Variants in ERC2 observed in about 807,000 individuals in gnomAD.
ERC2 encodes the protein ERC protein 2.
Under a neutral mutation model 114.8 loss-of-function variants are expected in ERC2, and 42 were observed. The observed-to-expected ratio is 0.37, with a 90% CI of 0.29 to 0.47. The LOEUF is 0.47. ERC2 is among the 20% of genes least tolerant of loss of function. The pLI, the probability that ERC2 is intolerant of heterozygous loss-of-function variation, is 0.99. For synonymous variants in ERC2, 454 were observed against 425.5 expected, an observed-to-expected ratio of 1.07 and a Z score of -0.82; for missense variants, 939 against 1,150.7, an observed-to-expected ratio of 0.82 and a Z score of 2.66.
intron 17 of ERC2, among the ~76,000 whole-genome samples, chr3:55,549,960 CAG>C (rs368950409): frequency 1.8e-4 from 20 of 110,414 alleles, no homozygotes; most frequent in Admixed American, 4.3e-4. Flanking sequence ...GAGAGAGAGA[CAG>C]AGAGAGAGAG....
intron 17 of ERC2, among the ~76,000 whole-genome samples, chr3:55,611,763 G>A (rs755590580): frequency 1.3e-5 from 2 of 152,182 alleles, no homozygotes. Context: ...GAAAGAGCAA[G>A]AATAAAGGTG....
chr3:56,236,534 A>G (rs2050958511), intron 3 of ERC2, among the ~76,000 whole-genome samples: 1 of 152,138 alleles, frequency 6.6e-6, no homozygotes, highest in Non-Finnish European at 1.5e-5. Flanking sequence ...GCTTTTCGAG[A>G]ACTTGTATCT....
At chr3:55,960,065 C>T (rs768084897) in intron 12 of ERC2, among the ~76,000 whole-genome samples, 2 of 152,212 alleles carry the variant, frequency 1.3e-5, no homozygotes, top group African/African-American at 4.8e-5. Flanking sequence ...GCCACCATCA[C>T]ATTTTGCCTG....
chr3:56,375,735 C>T (rs921556162), intron 2 of ERC2, among the ~76,000 whole-genome samples: 8 of 152,180 alleles, frequency 5.3e-5, no homozygotes, highest in South Asian at 2.1e-4. Context: ...TATGCATGCT[C>T]TTGTGTAATT....
intron 7 of ERC2, among the ~76,000 whole-genome samples, chr3:56,050,148 T>C (rs1273205399): frequency 6.6e-6 from 1 of 152,178 alleles, no homozygotes; most frequent in Non-Finnish European, 1.5e-5. Context: ...ACTGTATGGA[T>C]TTTTTAAATG....
At chr3:55,689,565 T>C (rs552574324) in intron 16 of ERC2, among the ~76,000 whole-genome samples, 1 of 152,340 alleles carries the variant, frequency 6.6e-6, no homozygotes, top group Non-Finnish European at 1.5e-5. Flanking sequence ...CACTTGGCTT[T>C]GTTAAACAAA....
intron 15 of ERC2, among the ~76,000 whole-genome samples, chr3:55,714,520 G>C (rs141568486): frequency 2.8e-3 from 427 of 151,932 alleles, no homozygotes; most frequent in Middle Eastern, 0.01. Context: ...GTATTCACCA[G>C]AAGGAAAGTG....
intron 6 of ERC2, among the ~76,000 whole-genome samples, chr3:56,128,241 A>G (rs2080000575): frequency 6.6e-6 from 1 of 152,204 alleles, no homozygotes; most frequent in African/African-American, 2.4e-5. Context: ...TGAATCTTCT[A>G]TGAATCAATC....
intron 14 of ERC2, among the ~76,000 whole-genome samples, chr3:55,789,769 G>A (rs897957638): frequency 6.6e-6 from 1 of 152,146 alleles, no homozygotes; most frequent in Non-Finnish European, 1.5e-5. Context: ...CAAACATAGA[G>A]GGTAATAAGC....
At chr3:55,800,450 T>A (rs911754164) in intron 14 of ERC2, among the ~76,000 whole-genome samples, 2 of 152,076 alleles carry the variant, frequency 1.3e-5, no homozygotes, top group South Asian at 4.2e-4. Flanking sequence ...CCGGAAGTTA[T>A]GTTTTAAGTC....
intron 3 of ERC2, among the ~76,000 whole-genome samples, chr3:56,216,046 G>T (rs1426703335): frequency 1.3e-5 from 2 of 152,102 alleles, no homozygotes; most frequent in Non-Finnish European, 2.9e-5. Context: ...AAGCAGGAAA[G>T]ATCTAAAATT....
At chr3:55,963,578 T>G (rs1363679087) in intron 12 of ERC2, among the ~76,000 whole-genome samples, 3 of 152,186 alleles carry the variant, frequency 2.0e-5, no homozygotes, top group Non-Finnish European at 4.4e-5. Context: ...TATCTCCTCT[T>G]TGCACATTAT....
intron 14 of ERC2, among the ~76,000 whole-genome samples, chr3:55,808,233 G>C (rs552283004): frequency 1.6e-3 from 240 of 152,244 alleles, no homozygotes; most frequent in African/African-American, 5.5e-3. Context: ...ATGGGGCCTA[G>C]TGACCTAAAA....
At chr3:55,630,966 A>G (rs987784155) in intron 17 of ERC2, among the ~76,000 whole-genome samples, 5 of 150,890 alleles carry the variant, frequency 3.3e-5, no homozygotes, top group Non-Finnish European at 4.4e-5. Context: ...AAAAAAAAAA[A>G]TAGATGGAAA....
chr3:55,575,898 G>A (rs777346480), intron 17 of ERC2, among the ~76,000 whole-genome samples: 5 of 152,304 alleles, frequency 3.3e-5, no homozygotes, highest in Non-Finnish European at 7.4e-5. Context: ...AAACAAGCAC[G>A]TAGGTACTTT....
At chr3:55,637,781 A>C (rs1039838191) in intron 17 of ERC2, among the ~76,000 whole-genome samples, 2 of 152,108 alleles carry the variant, frequency 1.3e-5, no homozygotes, top group African/African-American at 2.4e-5. Flanking sequence ...TGTTTATTAC[A>C]TATTTGTAGA....
intron 14 of ERC2, among the ~76,000 whole-genome samples, chr3:55,777,980 T>C (rs2068751495): frequency 6.6e-6 from 1 of 152,206 alleles, no homozygotes; most frequent in Admixed American, 6.5e-5. Context: ...GAAATTTCCT[T>C]GATGATGCTT....
intron 6 of ERC2, among the ~76,000 whole-genome samples, chr3:56,112,437 ACAC>A (rs1284340466): frequency 1.2e-4 from 1 of 8,028 alleles, no homozygotes; most frequent in Non-Finnish European, 3.6e-4. Flanking sequence ...AGACAGACAC[ACAC>A]ACACACACAC....
intron 1 of ERC2, among the ~76,000 whole-genome samples, chr3:56,440,300 T>C (rs2062228713): frequency 6.6e-6 from 1 of 152,058 alleles, no homozygotes; most frequent in Non-Finnish European, 1.5e-5. Context: ...TCCCAGCACT[T>C]TGGGAGGCCG....
Sources: gnomAD v4.1 joint callset for allele counts (sites outside exome capture counted in the v4.1 genomes callset) on GRCh38, gnomAD v4.1.1 for gene constraint, MANE v1.5 for transcripts, NCBI Gene and HGNC (gene_info 2026-07-23, HGNC 2026-07-21) for gene names.